Variants in SDK1 observed in about 807,000 individuals in gnomAD.
The protein encoded by SDK1 is protein sidekick-1.
SDK1 carries 157 observed loss-of-function variants against 245.5 expected under a neutral mutation model. That is an observed-to-expected ratio of 0.64 (90% confidence interval 0.56 to 0.73). SDK1 has a LOEUF of 0.73. Ranked by LOEUF, SDK1 falls within the 30% of genes least tolerant of loss-of-function variation. The pLI is 0.00. For synonymous variants in SDK1, 1,647 were observed against 1,278.5 expected (o/e 1.29, Z -6.15); for missense variants, 3,583 against 3,002.3 (o/e 1.19, Z -4.52).
At chr7:3,315,704 A>T (rs1016835553) in intron 1 of SDK1, among the ~76,000 whole-genome samples, 1 of 152,160 alleles carries the variant, frequency 6.6e-6, no homozygotes, top group African/African-American at 2.4e-5. Flanking sequence ...ATAACTTTTT[A>T]AAAATTATGA....
intron 1 of SDK1, among the ~76,000 whole-genome samples, chr7:3,438,044 A>G (rs897696176): frequency 6.6e-6 from 1 of 152,200 alleles, no homozygotes; most frequent in Non-Finnish European, 1.5e-5. Flanking sequence ...TTATAGATGA[A>G]GAAATGGACT....
chr7:3,303,126 A>G (rs993390757), intron 1 of SDK1, among the ~76,000 whole-genome samples: 1 of 152,148 alleles, frequency 6.6e-6, no homozygotes, highest in African/African-American at 2.4e-5. Context: ...AAATTGCCAT[A>G]TTTCTGGTTA....
chr7:3,998,750 G>A (rs1013337810), intron 14 of SDK1, among the ~76,000 whole-genome samples: 5 of 152,136 alleles, frequency 3.3e-5, no homozygotes, highest in African/African-American at 9.7e-5. Flanking sequence ...AACAATGTGC[G>A]GGAGGAACAA....
At chr7:4,214,172 G>C (rs1177178580) in intron 38 of SDK1, among the ~76,000 whole-genome samples, 1 of 152,200 alleles carries the variant, frequency 6.6e-6, no homozygotes, top group Non-Finnish European at 1.5e-5. Flanking sequence ...TCTGAGTCCA[G>C]AGCCAAGGCC....
intron 17 of SDK1, among the ~76,000 whole-genome samples, chr7:4,030,643 G>A (rs746772606): frequency 1.3e-5 from 2 of 152,216 alleles, no homozygotes; most frequent in African/African-American, 2.4e-5. Flanking sequence ...CACACAAGAA[G>A]CGTTCGGCAC....
At chr7:3,856,034 C>T (rs1235777658) in intron 5 of SDK1, among the ~76,000 whole-genome samples, 1 of 152,078 alleles carries the variant, frequency 6.6e-6, no homozygotes, top group Non-Finnish European at 1.5e-5. Flanking sequence ...TTATTGATAG[C>T]ATTAATACAG....
At chr7:3,407,149 GA>G in intron 1 of SDK1, among the ~76,000 whole-genome samples, 1 of 152,152 alleles carries the variant, frequency 6.6e-6, no homozygotes. Context: ...TGCGTGGGGT[GA>G]AAGAAGTCCT....
chr7:4,096,807 C>T (rs1782176149), intron 22 of SDK1, among the ~76,000 whole-genome samples: 2 of 152,102 alleles, frequency 1.3e-5, no homozygotes, highest in African/African-American at 4.8e-5. Flanking sequence ...CACATAGGAG[C>T]TGAGATTCAG....
intron 14 of SDK1, among the ~76,000 whole-genome samples, chr7:3,988,252 C>A (rs1334207673): frequency 6.7e-6 from 1 of 150,224 alleles, no homozygotes; most frequent in Non-Finnish European, 1.5e-5. Context: ...CAATTCCTTT[C>A]CCTGGACCCC....
chr7:4,004,881 G>A (rs1031772615), intron 14 of SDK1, among the ~76,000 whole-genome samples: 3 of 76,156 alleles, frequency 3.9e-5, no homozygotes, highest in Admixed American at 1.0e-4. Context: ...TCCATCCATC[G>A]TACTGGTTGT....
chr7:3,301,905 G>T, intron 1 of SDK1, 21 bp downstream of exon 1: 1 of 1,132,476 alleles, frequency 8.8e-7, no homozygotes, highest in East Asian at 4.3e-5. Context: ...GCGGGGTCGC[G>T]GGCCGGGGGC....
chr7:3,362,383 G>T (rs970775095), intron 1 of SDK1, among the ~76,000 whole-genome samples: 1 of 151,992 alleles, frequency 6.6e-6, no homozygotes, highest in Non-Finnish European at 1.5e-5. Context: ...TTTTGTTATC[G>T]TGGTGATCTT....
intron 1 of SDK1, among the ~76,000 whole-genome samples, chr7:3,370,727 C>G (rs1426257046): frequency 6.6e-6 from 1 of 152,194 alleles, no homozygotes; most frequent in Non-Finnish European, 1.5e-5. Context: ...GTTCTATTCT[C>G]TGAACTAGAA....
In SDK1 at chr7:3,515,794, G is replaced by A. The variant is rs572808991; in HGVS notation, c.299-103286G>A. Among the ~76,000 whole-genome samples the A allele has an allele frequency of 2.4e-3, 370 of 152,214 alleles. 3 individuals carry two copies. Among genetic ancestry groups the A allele is most frequent in the South Asian group, 0.018 (88 of 4,820 alleles). ...CATGCATTATTTAAAAATCCCAGTG[G>A]TACAGTCTCAAAGACATAAATCACC... On this transcript the variant is annotated intron_variant, in intron 1 of 44. Coordinates refer to ENST00000404826, the MANE Select transcript of SDK1 (RefSeq NM_152744.4).
intron 1 of SDK1, among the ~76,000 whole-genome samples, chr7:3,392,221 T>C (rs1453899505): frequency 2.0e-5 from 3 of 152,114 alleles, no homozygotes; most frequent in Non-Finnish European, 2.9e-5. Flanking sequence ...ATGAACCCCA[T>C]GTACTCTAGC....
chr7:3,963,865 C>T (rs1321967948), intron 9 of SDK1, among the ~76,000 whole-genome samples: 1 of 152,028 alleles, frequency 6.6e-6, no homozygotes, highest in East Asian at 1.9e-4. Context: ...CACCTAAGCT[C>T]ACGGCTACCC....
At chr7:4,236,889 C>T (rs192041799) in intron 41 of SDK1, among the ~76,000 whole-genome samples, 2 of 152,110 alleles carry the variant, frequency 1.3e-5, no homozygotes, top group Non-Finnish European at 2.9e-5. Context: ...CTTTAACCCA[C>T]ACAACGTTTT....
intron 1 of SDK1, among the ~76,000 whole-genome samples, chr7:3,499,648 C>A (rs548108120): frequency 6.4e-4 from 98 of 152,060 alleles, no homozygotes; most frequent in Non-Finnish European, 1.1e-3. Flanking sequence ...ACTTGTATAC[C>A]CATCGCTGTG....
At chr7:3,683,854 A>G (rs570366154) in intron 4 of SDK1, among the ~76,000 whole-genome samples, 56 of 152,318 alleles carry the variant, frequency 3.7e-4, no homozygotes, top group Middle Eastern at 3.4e-3. Context: ...TGCTCCAAGA[A>G]CAGTCCTGTT....
Sources: gnomAD v4.1 joint callset for allele counts (sites outside exome capture counted in the v4.1 genomes callset) on GRCh38, gnomAD v4.1.1 for gene constraint, MANE v1.5 for transcripts, NCBI Gene and HGNC (gene_info 2026-07-23, HGNC 2026-07-21) for gene names.